The following ZBED4 variants were observed in gnomAD, a reference collection of about 807,000 sequenced individuals.
ZBED4 encodes zinc finger BED domain-containing protein 4.
In ZBED4, 4 loss-of-function variants were observed where a neutral mutation model predicts 15.5. That is an observed-to-expected ratio of 0.26 (90% CI 0.13 to 0.59). The LOEUF (loss-of-function observed/expected upper bound fraction) is 0.59, where lower values mean the gene tolerates loss of function less well. ZBED4 is among the 20% of genes least tolerant of loss of function. The pLI, the probability that ZBED4 is intolerant of heterozygous loss-of-function variation, is 0.90. For synonymous variants in ZBED4, 692 were observed against 608.5 expected (o/e 1.14, Z -2.02); for missense variants, 1,323 against 1,461.8 (o/e 0.91, Z 1.55).
intron 1 of ZBED4, among the ~76,000 whole-genome samples, chr22:49,855,944 G>GT: frequency 6.6e-6 from 1 of 152,300 alleles, no homozygotes; most frequent in South Asian, 2.1e-4. Flanking sequence ...CCTTTAGCCC[G>GT]TGACACCCCT....
chr22:49,886,377 G>C lies in ZBED4; in HGVS notation c.2715G>C (p.Gln905His), dbSNP rs1159897432. The change falls in exon 2 of 2, where the codon CAG (glutamine) becomes CAC (histidine). Residue 905 changes from glutamine (Q) to histidine (H), a missense_variant. This residue lies in a region of ZBED4 where 312 missense variants were observed against 410.7 expected (regional missense o/e 0.76). Transcript: ENST00000216268. This position sits in a 1 kb window ranked among gnomAD's most constrained non-coding sequence, Gnocchi z 7.7. ...ACATGCTCGAGCGGCTCATTGAGCA[G>C]AAAAGGGCCATTAACGAGATGTCCG... ...SFHMLERLIE[Q>H]KRAINEMSVE... is the part of the protein sequence containing the mutation. 6.2e-7 allele frequency: 1 copy of C among 1,610,876 alleles called. No individual in the cohort carries two copies. Among genetic ancestry groups the C allele is most frequent in the Non-Finnish European group, 8.5e-7 (1 of 1,177,754 alleles).
intron 1 of ZBED4, among the ~76,000 whole-genome samples, chr22:49,862,137 C>G (rs1047325503): frequency 6.6e-6 from 1 of 152,198 alleles, no homozygotes; most frequent in African/African-American, 2.4e-5. Context: ...GGATGTAGCA[C>G]GGAGCAGTTG....
intron 1 of ZBED4, among the ~76,000 whole-genome samples, chr22:49,859,219 C>G (rs1219076563): frequency 6.6e-6 from 1 of 152,104 alleles, no homozygotes; most frequent in Non-Finnish European, 1.5e-5. Flanking sequence ...TTAGAAAATG[C>G]TGAGTTCTTT....
At position 49,886,548 on chromosome 22, in the gene ZBED4, C is replaced by A; in HGVS notation, c.2886C>A (p.His962Gln). The A allele has an allele frequency of 1.9e-6, 3 of 1,563,678 alleles. No individual in the cohort carries two copies. Among genetic ancestry groups the A allele is most frequent in the Non-Finnish European group, 2.6e-6 (3 of 1,154,054 alleles). ...STLSQVIPMV[H>Q]ILNRKVEMLF... ...TCAGCCAGGTCATCCCCATGGTACA[C>A]ATCCTCAACAGGAAGGTGGAGATGC... The change falls in exon 2 of 2, where the codon CAC becomes CAA. Residue 962 changes from histidine to glutamine, a missense_variant. Around this residue, in one of 6 missense-constraint regions of ZBED4, gnomAD observed 312 missense variants for 410.7 expected, o/e 0.76. Transcript: ENST00000216268. This position sits in a 1 kb window ranked among gnomAD's most constrained non-coding sequence, Gnocchi z 7.7.
At chr22:49,861,685 C>T (rs2060297816) in intron 1 of ZBED4, among the ~76,000 whole-genome samples, 3 of 152,172 alleles carry the variant, frequency 2.0e-5, no homozygotes, top group Admixed American at 2.0e-4. Flanking sequence ...GATTTACCTG[C>T]CTTGGCCTCC....
At chr22:49,860,185 G>C (rs926763912) in intron 1 of ZBED4, among the ~76,000 whole-genome samples, 1 of 152,244 alleles carries the variant, frequency 6.6e-6, no homozygotes, top group African/African-American at 2.4e-5. Context: ...TGGAGTTCCA[G>C]CTACTCAGGA....
At chr22:49,855,433 C>T (rs1338833068) in intron 1 of ZBED4, among the ~76,000 whole-genome samples, 1 of 152,186 alleles carries the variant, frequency 6.6e-6, no homozygotes, top group African/African-American at 2.4e-5. Context: ...GTTACCTCCT[C>T]CCCAACCCCC....
chr22:49,855,393 T>A (rs2060270864), intron 1 of ZBED4, among the ~76,000 whole-genome samples: 1 of 152,132 alleles, frequency 6.6e-6, no homozygotes, highest in Non-Finnish European at 1.5e-5. Flanking sequence ...GTGGTTGATG[T>A]TGTTGGATGT....
intron 1 of ZBED4, among the ~76,000 whole-genome samples, chr22:49,867,172 A>C (rs1014372581): frequency 1.3e-5 from 2 of 152,222 alleles, no homozygotes; most frequent in African/African-American, 4.8e-5. Context: ...TGAGTTATTT[A>C]GAATTGTATT....
In ZBED4 at chr22:49,889,771, C is replaced by T. The variant is rs888097199; in HGVS notation, c.*2593C>T. 1 of 167,178 alleles carries T rather than the reference C, an allele frequency of 6.0e-6. No homozygotes were observed. The highest frequency in any genetic ancestry group is 6.5e-5 in the Admixed American group (1 of 15,282). The allele number at this position is 167,178 out of a possible 1,614,324, so 10.4% of individuals were successfully genotyped here. On this transcript the variant is annotated 3_prime_UTR_variant, in exon 2 of 2. Transcript: ENST00000216268. ...CCAGTGCTGACAGTCACACGACTCTCACTACTTGAATGAGGGGACTGTGGG... is the reference window on the plus strand; with the variant it reads ...CCAGTGCTGACAGTCACACGACTCTTACTACTTGAATGAGGGGACTGTGGG...
intron 1 of ZBED4, among the ~76,000 whole-genome samples, chr22:49,861,919 A>G (rs1188039650): frequency 2.0e-5 from 3 of 152,078 alleles, no homozygotes; most frequent in African/African-American, 7.2e-5. Flanking sequence ...GGGAGGATAC[A>G]TGTAATTTTG....
At position 49,883,508 on chromosome 22, in the gene ZBED4, TCAGTAC is replaced by T; in HGVS notation, c.-154_-149del. On this transcript the variant is annotated 5_prime_UTR_variant, in exon 2 of 2. Coordinates refer to ENST00000216268, the MANE Select transcript of ZBED4 (RefSeq NM_014838.3). ...GACCATGAGTCACAGATTCTTTTTT[TCAGTAC>T]TATTTATGATTAGCCATATTTCTAG... is the stretch of plus-strand genomic sequence containing the variant. 1 of 1,073,130 alleles carries T rather than the reference TCAGTAC, an allele frequency of 9.3e-7. No homozygotes were observed. Among genetic ancestry groups the T allele is most frequent in the Non-Finnish European group, 1.3e-6 (1 of 781,528 alleles). The allele number at this position is 1,073,130 out of a possible 1,614,324, so 66.5% of individuals were successfully genotyped here.
intron 1 of ZBED4, among the ~76,000 whole-genome samples, chr22:49,867,249 T>A (rs1369126230): frequency 6.6e-6 from 1 of 152,250 alleles, no homozygotes; most frequent in African/African-American, 2.4e-5. Flanking sequence ...CTCCATTGTG[T>A]TTAGAGGACT....
Position 49,887,306 on chromosome 22 carries a change from C to T in ZBED4, c.*128C>T. 1.0e-6 allele frequency: 1 copy of T among 986,360 alleles called. No homozygotes were observed. The highest frequency in any genetic ancestry group is 1.5e-6 in the Non-Finnish European group (1 of 672,366). 61.1% of individuals were successfully genotyped at this position (986,360 alleles called of 1,614,324 possible). On this transcript the variant is annotated 3_prime_UTR_variant, in exon 2 of 2. Coordinates refer to ENST00000216268, the MANE Select transcript of ZBED4 (RefSeq NM_014838.3). ...ACCAGGCACTCTCAGGGCCGCTCTC[C>T]AGCTCACCACAGTGTCTCCACGTGC...
intron 1 of ZBED4, among the ~76,000 whole-genome samples, chr22:49,854,265 C>T (rs2060265352): frequency 1.3e-5 from 2 of 150,224 alleles, no homozygotes; most frequent in Admixed American, 6.6e-5. Flanking sequence ...GCCCACGTGC[C>T]CGCGCCGTTG....
chr22:49,857,482 A>G (rs2060279344), intron 1 of ZBED4, among the ~76,000 whole-genome samples: 2 of 152,194 alleles, frequency 1.3e-5, no homozygotes, highest in South Asian at 4.1e-4. Context: ...GCCGTTTCCA[A>G]GACGCCCTTA....
chr22:49,884,764 G>A lies in ZBED4; in HGVS notation c.1102G>A (p.Glu368Lys). ...GCCTTCCTTGCTGCCGCCGGAGGGG[G>A]AGCTCAGCTCTGTGTCCTCGTCTCC... Reference protein sequence around the residue: ...LLPSLLPPEGELSSVSSSPVK... With the variant: ...LLPSLLPPEGKLSSVSSSPVK... Residue 368 changes from glutamate (E) to lysine (K), a missense_variant, in exon 2 of 2, where the codon GAG becomes AAG. Transcript: ENST00000216268. The A allele has an allele frequency of 1.9e-6, 3 of 1,598,266 alleles. No homozygotes were observed. The highest frequency in any genetic ancestry group is 1.7e-6 in the Non-Finnish European group (2 of 1,169,046).
intron 1 of ZBED4, among the ~76,000 whole-genome samples, chr22:49,862,149 G>A (rs1281249895): frequency 6.6e-6 from 1 of 152,252 alleles, no homozygotes; most frequent in East Asian, 1.9e-4. Flanking sequence ...GAGCAGTTGA[G>A]ATCATTGAAT....
intron 1 of ZBED4, among the ~76,000 whole-genome samples, chr22:49,870,943 A>ATTTTTTT (rs61472662): frequency 8.0e-5 from 11 of 138,112 alleles, no homozygotes; most frequent in Admixed American, 7.3e-4. Flanking sequence ...TAAAAGATAG[A>ATTTTTTT]TTTTTTTTTT....
Sources: gnomAD v4.1 joint callset for allele counts (sites outside exome capture counted in the v4.1 genomes callset) on GRCh38, gnomAD v4.1.1 for gene constraint, gnomAD v4.1.1 regional missense constraint, Gnocchi (gnomAD v3.1) non-coding constraint, MANE v1.5 for transcripts, NCBI Gene and HGNC (gene_info 2026-07-23, HGNC 2026-07-21) for gene names.